Variants in MSH3 observed in about 807,000 individuals in gnomAD.
The protein encoded by MSH3 is DNA mismatch repair protein Msh3.
A neutral mutation model predicts 123.3 loss-of-function variants in MSH3; 106 were observed. The observed-to-expected ratio is 0.86, with a 90% CI of 0.73 to 1.01. The LOEUF is 1.01. Ranked by LOEUF, MSH3 falls within the 50% of genes least tolerant of loss-of-function variation. MSH3 has a pLI of 0.00. For missense variants in MSH3, 1,459 were observed against 1,347.6 expected (o/e 1.08, Z -1.29); for synonymous variants, 515 against 481.4 (o/e 1.07, Z -0.91).
At chr5:80,795,069 G>C (rs543927886) in intron 19 of MSH3, among the ~76,000 whole-genome samples, 9 of 152,318 alleles carry the variant, frequency 5.9e-5, no homozygotes, top group African/African-American at 2.2e-4. Context: ...TTGAGATGTA[G>C]GGGAGCATTT....
At chr5:80,821,636 TG>T in intron 20 of MSH3, among the ~76,000 whole-genome samples, 1 of 152,222 alleles carries the variant, frequency 6.6e-6, no homozygotes, top group Non-Finnish European at 1.5e-5. Context: ...TTTGAGTAGC[TG>T]TTAGTTTATC....
chr5:80,655,284 CTT>C (rs1244129291), intron 1 of MSH3: 37 of 228,536 alleles, frequency 1.6e-4, no homozygotes, highest in Non-Finnish European at 2.3e-4. Context: ...AACCTCCATC[CTT>C]TTTTTTTTTC....
chr5:80,822,099 T>C (rs32985), intron 20 of MSH3, among the ~76,000 whole-genome samples: 37,478 of 152,120 alleles, frequency 0.25, 4,899 homozygotes, highest in Non-Finnish European at 0.3. Context: ...AAACCGGCTG[T>C]GTATGGGAAA....
chr5:80,787,347 TTTTAAA>T (rs1744527069), intron 17 of MSH3, among the ~76,000 whole-genome samples: 1 of 152,224 alleles, frequency 6.6e-6, no homozygotes, highest in Admixed American at 6.5e-5. Flanking sequence ...ATAGAAGTTG[TTTTAAA>T]TTTATATACA....
At chr5:80,746,071 A>G (rs1414902078) in intron 12 of MSH3, among the ~76,000 whole-genome samples, 1 of 152,190 alleles carries the variant, frequency 6.6e-6, no homozygotes. Context: ...AAAGAGGGAA[A>G]GCCCAAAATG....
chr5:80,851,964 C>T (rs1006999436), intron 20 of MSH3, among the ~76,000 whole-genome samples: 2 of 152,158 alleles, frequency 1.3e-5, no homozygotes, highest in Non-Finnish European at 2.9e-5. Context: ...ACATTTCTAA[C>T]AAGACCACTC....
intron 8 of MSH3, among the ~76,000 whole-genome samples, chr5:80,697,278 G>C (rs1296188557): frequency 6.6e-6 from 1 of 152,210 alleles, no homozygotes; most frequent in East Asian, 1.9e-4. Flanking sequence ...GAATGGCCCT[G>C]CCATAAGAAA....
At chr5:80,829,823 AAT>A (rs1745388707) in intron 20 of MSH3, among the ~76,000 whole-genome samples, 1 of 152,126 alleles carries the variant, frequency 6.6e-6, no homozygotes, top group African/African-American at 2.4e-5. Flanking sequence ...TTCTTCCTTA[AAT>A]GTTTGATAGA....
intron 19 of MSH3, among the ~76,000 whole-genome samples, chr5:80,806,304 A>T (rs572348585): frequency 6.6e-6 from 1 of 151,804 alleles, no homozygotes; most frequent in Non-Finnish European, 1.5e-5. Flanking sequence ...CTCCATGTTG[A>T]TAGGCTGCTC....
At chr5:80,792,866 AT>A in intron 19 of MSH3, 22 bp downstream of exon 19, 1 of 1,460,938 alleles carries the variant, frequency 6.8e-7, no homozygotes, top group Non-Finnish European at 9.6e-7. Context: ...ATGCCAAAAA[AT>A]AAGTCGATGA....
chr5:80,654,888 CTGCAGCGG>C lies in MSH3; in HGVS notation c.162_169del (p.Ala55ArgfsTer27). ...CAGGTGGACCCTGGCGCTGCAGCGG[CTGCAGCGG>C]CCGCAGCGGCCGCAGCGCCCCCAGC... is the stretch of plus-strand genomic sequence containing the variant. On this transcript the variant is annotated frameshift_variant, in exon 1 of 24. Transcript: ENST00000265081. LOFTEE classifies it high-confidence loss of function. 1 of 859,340 alleles carries C rather than the reference CTGCAGCGG, an allele frequency of 1.2e-6. No individual in the cohort carries two copies. Among genetic ancestry groups the C allele is most frequent in the Non-Finnish European group, 1.6e-6 (1 of 621,204 alleles). 53.2% of individuals were successfully genotyped at this position (859,340 alleles called of 1,614,324 possible).
Position 80,768,881 on chromosome 5 carries a change from T to G in MSH3, c.2131T>G (p.Leu711Val). The G allele has an allele frequency of 6.2e-7, 1 of 1,611,916 alleles. No homozygotes were observed. The highest frequency in any genetic ancestry group is 1.7e-4 in the Middle Eastern group (1 of 6,046). The change falls in exon 15 of 24, where the codon TTA (leucine) becomes GTA (valine). Residue 711 changes from leucine (L) to valine (V), a missense_variant. Coordinates refer to ENST00000265081, the MANE Select transcript of MSH3 (RefSeq NM_002439.5). ...ATTTAAAGACCTTTCTGACTTCCCT[T>G]TAATAAAAAAGAGGAAGGATGAAAT... ...ELFKDLSDFP[L>V]IKKRKDEIQG...
At chr5:80,672,164 A>C in intron 4 of MSH3, 80 bp from the exon 5 acceptor site, 1 of 1,023,916 alleles carries the variant, frequency 9.8e-7, no homozygotes, top group Non-Finnish European at 1.5e-6. Flanking sequence ...ACCTTGATTA[A>C]TTTTTAATAA....
At chr5:80,680,614 C>A in intron 8 of MSH3, among the ~76,000 whole-genome samples, 1 of 150,058 alleles carries the variant, frequency 6.7e-6, no homozygotes. Context: ...TTTTTAAAAA[C>A]TTTATTGCAG....
rs772683764 is a variant in MSH3, at chr5:80,665,226, C to T, written c.442C>T (p.Gln148Ter). The T allele has an allele frequency of 3.7e-6, 6 of 1,614,114 alleles. No homozygotes were observed. The highest frequency in any genetic ancestry group is 5.1e-6 in the Non-Finnish European group (6 of 1,179,996). ...KEFCCDSALP[Q>*]SRVQTESLQE... ...ATTCTGCTGCGATTCTGCCCTTCCT[C>T]AAAGTAGAGTCCAGACAGAATCTCT... Residue 148 changes from glutamine to a stop codon, truncating the protein, a stop_gained, in exon 3 of 24, where the codon CAA becomes TAA. Transcript: ENST00000265081. LOFTEE classifies it high-confidence loss of function.
chr5:80,683,555 A>G (rs1361725826), intron 8 of MSH3, among the ~76,000 whole-genome samples: 1 of 151,972 alleles, frequency 6.6e-6, no homozygotes, highest in Non-Finnish European at 1.5e-5. Flanking sequence ...GGATAATTAG[A>G]TTTTTCCTGT....
chr5:80,656,922 G>A (rs1749306111), intron 2 of MSH3, among the ~76,000 whole-genome samples: 1 of 152,076 alleles, frequency 6.6e-6, no homozygotes, highest in African/African-American at 2.4e-5. Context: ...TATACTTCCA[G>A]ATTTTAAAAA....
chr5:80,694,611 C>A (rs1473453926), intron 8 of MSH3, among the ~76,000 whole-genome samples: 1 of 150,522 alleles, frequency 6.6e-6, no homozygotes, highest in Non-Finnish European at 1.5e-5. Flanking sequence ...TTATTTTTTC[C>A]TTTTTGTTTA....
At chr5:80,666,254 G>C (rs946092307) in intron 3 of MSH3, among the ~76,000 whole-genome samples, 1 of 152,210 alleles carries the variant, frequency 6.6e-6, no homozygotes, top group East Asian at 1.9e-4. Context: ...TTGAATTAGA[G>C]AAATGGTTCT....
Sources: gnomAD v4.1 joint callset for allele counts (sites outside exome capture counted in the v4.1 genomes callset) on GRCh38, gnomAD v4.1.1 for gene constraint, MANE v1.5 for transcripts, NCBI Gene and HGNC (gene_info 2026-07-23, HGNC 2026-07-21) for gene names.